The following TTLL7 variants were observed in gnomAD, a reference collection of about 807,000 sequenced individuals.
TTLL7 encodes the protein tubulin polyglutamylase TTLL7.
A neutral mutation model predicts 120.2 loss-of-function variants in TTLL7; 53 were observed. The ratio of observed to expected loss-of-function variants is 0.44; its 90% CI spans 0.35 to 0.55. The LOEUF (loss-of-function observed/expected upper bound fraction) is 0.55. TTLL7 is among the 20% of genes least tolerant of loss of function. TTLL7 has a pLI of 0.00. For missense variants in TTLL7, 803 were observed against 1,054.7 expected, an observed-to-expected ratio of 0.76 and a Z score of 3.31; for synonymous variants, 353 against 351.7, an observed-to-expected ratio of 1.00 and a Z score of -0.04.
intron 18 of TTLL7, among the ~76,000 whole-genome samples, chr1:83,895,463 C>A (rs945698714): frequency 3.3e-5 from 5 of 152,038 alleles, no homozygotes; most frequent in African/African-American, 7.2e-5. Flanking sequence ...TTCCAAAAAT[C>A]TCAAGCTTAG....
intron 1 of TTLL7, among the ~76,000 whole-genome samples, chr1:83,992,452 A>AT (rs1653088384): frequency 6.7e-6 from 1 of 150,152 alleles, no homozygotes; most frequent in African/African-American, 2.4e-5. Context: ...GAAAAAAAAA[A>AT]CAAAAGGACT....
intron 7 of TTLL7, among the ~76,000 whole-genome samples, chr1:83,939,087 C>T (rs1002264436): frequency 3.3e-5 from 5 of 152,066 alleles, no homozygotes; most frequent in African/African-American, 1.2e-4. Context: ...TTAAGGAACA[C>T]CTATCTGCAG....
At chr1:83,989,745 A>T (rs12141166) in intron 1 of TTLL7, among the ~76,000 whole-genome samples, 1 of 152,096 alleles carries the variant, frequency 6.6e-6, no homozygotes, top group Non-Finnish European at 1.5e-5. Context: ...ATAGCACTGA[A>T]TCTGTAGACT....
intron 1 of TTLL7, among the ~76,000 whole-genome samples, chr1:83,962,318 C>T (rs1421585253): frequency 6.6e-6 from 1 of 152,080 alleles, no homozygotes; most frequent in Non-Finnish European, 1.5e-5. Context: ...ATAGATACAT[C>T]AGAATCATCT....
intron 18 of TTLL7, 65 bp downstream of exon 18, chr1:83,904,014 G>T: frequency 8.4e-7 from 1 of 1,188,418 alleles, no homozygotes; most frequent in Non-Finnish European, 1.2e-6. Context: ...CTATGAATTT[G>T]GCTTAATGAT....
intron 1 of TTLL7, among the ~76,000 whole-genome samples, chr1:83,986,611 G>A (rs186623861): frequency 1.1e-3 from 165 of 152,320 alleles, no homozygotes; most frequent in Non-Finnish European, 1.7e-3. Flanking sequence ...TTGGGAGGCC[G>A]AGGCCGGTGT....
chr1:83,948,921 T>C (rs1285658954), intron 4 of TTLL7: 2 of 356,744 alleles, frequency 5.6e-6, no homozygotes, highest in Non-Finnish European at 1.0e-5. Context: ...AAAGAATATC[T>C]ACATAGATAG....
chr1:83,976,554 A>G (rs6675854), intron 1 of TTLL7, among the ~76,000 whole-genome samples: 11 of 152,242 alleles, frequency 7.2e-5, no homozygotes, highest in Admixed American at 3.3e-4. Context: ...AATGAACTGC[A>G]TCTTTCATCT....
At chr1:83,903,012 A>G (rs1656856089) in intron 18 of TTLL7, among the ~76,000 whole-genome samples, 1 of 150,830 alleles carries the variant, frequency 6.6e-6, no homozygotes, top group Non-Finnish European at 1.5e-5. Flanking sequence ...CCAAATTCCC[A>G]CTCCCCCGGT....
chr1:83,933,508 C>T, intron 9 of TTLL7, 100 bp downstream of exon 9: 5 of 1,258,478 alleles, frequency 4.0e-6, no homozygotes, highest in Non-Finnish European at 5.5e-6. Flanking sequence ...TCATTCTGGA[C>T]AGTTAATGGG....
chr1:83,972,729 A>T (rs998826162), intron 1 of TTLL7, among the ~76,000 whole-genome samples: 4 of 152,062 alleles, frequency 2.6e-5, no homozygotes, highest in Non-Finnish European at 5.9e-5. Context: ...TATCCTCATC[A>T]GTACTTGGTG....
intron 1 of TTLL7, among the ~76,000 whole-genome samples, chr1:83,956,305 T>C (rs1343467249): frequency 3.3e-5 from 5 of 151,534 alleles, no homozygotes; most frequent in African/African-American, 1.2e-4. Context: ...TATTTATTAT[T>C]TTAGAGATGG....
Position 83,866,632 on chromosome 1 carries a change from C to T in TTLL7, c.*3330G>A, listed in dbSNP as rs1041211171. 3.3e-5 allele frequency: 5 copies of T among 151,546 alleles called. No homozygotes were observed. Among genetic ancestry groups the T allele is most frequent in the South Asian group, 2.1e-4 (1 of 4,818 alleles). The allele number at this position is 151,546 out of a possible 1,614,324, so 9.4% of individuals were successfully genotyped here. On this transcript the variant is annotated 3_prime_UTR_variant, in exon 21 of 21. Transcript: ENST00000260505. ...ATTTGTATAGATCTTTGCATCTTAC[C>T]GACAACCAAGGACATTCAACTATGT...
intron 1 of TTLL7, among the ~76,000 whole-genome samples, chr1:83,991,518 C>A (rs894930464): frequency 7.9e-5 from 12 of 152,048 alleles, no homozygotes; most frequent in African/African-American, 2.7e-4. Flanking sequence ...CGGTGGTACA[C>A]CTGTAGTCCC....
intron 1 of TTLL7, among the ~76,000 whole-genome samples, chr1:83,998,542 G>A (rs1043887941): frequency 1.3e-5 from 2 of 152,192 alleles, no homozygotes; most frequent in Admixed American, 1.3e-4. Flanking sequence ...AGAATGCCCC[G>A]CATACTCGCG....
intron 1 of TTLL7, among the ~76,000 whole-genome samples, chr1:83,960,567 T>A (rs1649924144): frequency 6.6e-6 from 1 of 151,964 alleles, no homozygotes; most frequent in South Asian, 2.1e-4. Context: ...GAAGAGCCAG[T>A]TTGAGGGGTG....
At chr1:83,972,517 C>A (rs973827422) in intron 1 of TTLL7, among the ~76,000 whole-genome samples, 25 of 152,028 alleles carry the variant, frequency 1.6e-4, no homozygotes, top group African/African-American at 5.6e-4. Flanking sequence ...TTGGTTGCTT[C>A]CAGGTTTTGG....
chr1:83,904,612 G>C (rs1657028989), intron 17 of TTLL7, among the ~76,000 whole-genome samples: 2 of 152,164 alleles, frequency 1.3e-5, no homozygotes, highest in East Asian at 1.9e-4. Context: ...TCCAGCCTGG[G>C]CAACAGAATG....
intron 20 of TTLL7, among the ~76,000 whole-genome samples, chr1:83,878,874 T>C (rs531120790): frequency 3.3e-5 from 5 of 152,088 alleles, no homozygotes; most frequent in African/African-American, 1.2e-4. Context: ...ATAGATGCCA[T>C]ATACTCTTTA....
Sources: gnomAD v4.1 joint callset for allele counts (sites outside exome capture counted in the v4.1 genomes callset) on GRCh38, gnomAD v4.1.1 for gene constraint, MANE v1.5 for transcripts, NCBI Gene and HGNC (gene_info 2026-07-23, HGNC 2026-07-21) for gene names.